CSGALNACT1: variants seen among roughly 807,000 people sequenced by gnomAD.
The protein encoded by CSGALNACT1 is beta4GalNAcT-1.
Under a neutral mutation model 51.0 loss-of-function variants are expected in CSGALNACT1, and 52 were observed. That is an observed-to-expected ratio of 1.02 (90% CI 0.82 to 1.29). CSGALNACT1 has a LOEUF of 1.29. CSGALNACT1 is among the 50% of genes most tolerant of loss of function. CSGALNACT1 has a pLI of 0.00. For synonymous variants in CSGALNACT1, 341 were observed against 254.4 expected, an observed-to-expected ratio of 1.34 and a Z score of -3.24; for missense variants, 935 against 679.2, an observed-to-expected ratio of 1.38 and a Z score of -4.19.
At chr8:19,580,525 T>G (rs568140636) in intron 3 of CSGALNACT1, among the ~76,000 whole-genome samples, 1 of 152,310 alleles carries the variant, frequency 6.6e-6, no homozygotes, top group Non-Finnish European at 1.5e-5. Flanking sequence ...GTTGATTTAA[T>G]CTAGATGAAT....
intron 6 of CSGALNACT1, among the ~76,000 whole-genome samples, chr8:19,423,727 G>T (rs1164417184): frequency 6.6e-6 from 1 of 152,130 alleles, no homozygotes; most frequent in Non-Finnish European, 1.5e-5. Flanking sequence ...TCAGGCAAAT[G>T]GATGCTGGGG....
intron 4 of CSGALNACT1, among the ~76,000 whole-genome samples, chr8:19,500,197 A>C (rs2076173467): frequency 6.6e-6 from 1 of 152,126 alleles, no homozygotes; most frequent in Non-Finnish European, 1.5e-5. Flanking sequence ...GTGGGGTGAC[A>C]GTAGTCAGAA....
chr8:19,684,576 A>C (rs554643395), upstream of CSGALNACT1, among the ~76,000 whole-genome samples: 116 of 150,978 alleles, frequency 7.7e-4, no homozygotes, highest in African/African-American at 2.2e-3. Flanking sequence ...TCCCCTCCTC[A>C]CTCCCCTGGG....
chr8:19,600,244 G>C (rs889943361), intron 2 of CSGALNACT1, among the ~76,000 whole-genome samples: 4 of 152,098 alleles, frequency 2.6e-5, no homozygotes, highest in Non-Finnish European at 4.4e-5. Flanking sequence ...ACCATGCCTG[G>C]CTAATTTTTA....
intron 6 of CSGALNACT1, among the ~76,000 whole-genome samples, chr8:19,421,900 G>C (rs1394893226): frequency 6.6e-6 from 1 of 152,120 alleles, no homozygotes; most frequent in African/African-American, 2.4e-5. Context: ...ATGATGGGTA[G>C]AGCACTGGTC....
intron 4 of CSGALNACT1, among the ~76,000 whole-genome samples, chr8:19,460,401 T>C (rs1255011358): frequency 6.6e-6 from 1 of 152,260 alleles, no homozygotes; most frequent in Non-Finnish European, 1.5e-5. Context: ...ATCCCAGGTA[T>C]GTATGTATGG....
At chr8:19,666,787 GAAAGAAAGAAAGAAAGAAAGAA>G (rs1237283157) in intron 1 of CSGALNACT1, among the ~76,000 whole-genome samples, 3,045 of 20,692 alleles carry the variant, frequency 0.15, 356 homozygotes, top group African/African-American at 0.38. Context: ...AAGAAAGAAA[GAAAGAAAGAAAGAAAGAAAGAA>G]AGAGAGAGAG....
intron 3 of CSGALNACT1, among the ~76,000 whole-genome samples, chr8:19,568,098 G>C (rs2042260078): frequency 6.6e-6 from 1 of 152,148 alleles, no homozygotes; most frequent in African/African-American, 2.4e-5. Context: ...TTGCAATGTA[G>C]AGATATCTTG....
intron 1 of CSGALNACT1, among the ~76,000 whole-genome samples, chr8:19,640,663 A>C (rs993582901): frequency 2.0e-5 from 3 of 152,196 alleles, no homozygotes; most frequent in African/African-American, 7.2e-5. Flanking sequence ...GGCACACTTG[A>C]ATCTAATCTG....
intron 1 of CSGALNACT1, among the ~76,000 whole-genome samples, chr8:19,630,517 T>C (rs894598351): frequency 6.6e-6 from 1 of 151,852 alleles, no homozygotes; most frequent in African/African-American, 2.4e-5. Context: ...TAGGATTCAC[T>C]CTTTGTGGTA....
intron 1 of CSGALNACT1, among the ~76,000 whole-genome samples, chr8:19,627,070 T>C (rs1305345527): frequency 6.6e-6 from 1 of 152,234 alleles, no homozygotes; most frequent in Non-Finnish European, 1.5e-5. Flanking sequence ...CCTCAAGAAA[T>C]GAAAACATTC....
chr8:19,482,768 A>C (rs2071789733), intron 4 of CSGALNACT1, among the ~76,000 whole-genome samples: 1 of 152,088 alleles, frequency 6.6e-6, no homozygotes, highest in Non-Finnish European at 1.5e-5. Flanking sequence ...TTAAATTTGC[A>C]TCAATAAGTC....
At chr8:19,523,537 T>A (rs1173771199) in intron 3 of CSGALNACT1, among the ~76,000 whole-genome samples, 2 of 152,028 alleles carry the variant, frequency 1.3e-5, no homozygotes, top group Admixed American at 6.5e-5. Context: ...CCCAAAGTGG[T>A]GAGATTACAG....
chr8:19,748,702 C>T (rs1417069783), intron 1 of CSGALNACT1, among the ~76,000 whole-genome samples: 4 of 152,194 alleles, frequency 2.6e-5, no homozygotes, highest in Admixed American at 2.0e-4. Flanking sequence ...CAGTGGCTCA[C>T]ATCTGTAAAC....
rs1159242984 is a variant in CSGALNACT1, at chr8:19,662,074, ACCC to A, written c.-544+20396_-544+20398del. Reference sequence around the variant, plus strand: ...ATTACAGTTGCCCCCACCCCCCCCCACCCCCCCCCCCCCCCGCATCTTCAGCAG... The same window carrying A: ...ATTACAGTTGCCCCCACCCCCCCCCACCCCCCCCCCCCGCATCTTCAGCAG... On this transcript the variant is annotated intron_variant, in intron 1 of 9. Coordinates refer to the CSGALNACT1 transcript ENST00000332246. Among the ~76,000 whole-genome samples the A allele has an allele frequency of 2.4e-3, 84 of 35,024 alleles. 1 individual carries two copies. The highest frequency in any genetic ancestry group is 7.6e-3 in the African/African-American group (72 of 9,498). The allele number at this position is 35,024 out of a possible 152,430, so 23.0% of individuals were successfully genotyped here.
intron 1 of CSGALNACT1, among the ~76,000 whole-genome samples, chr8:19,691,320 G>C (rs1423460036): frequency 6.6e-6 from 1 of 152,066 alleles, no homozygotes; most frequent in South Asian, 2.1e-4. Context: ...GCTGAGCAGG[G>C]CTTCTAGATC....
intron 5 of CSGALNACT1, among the ~76,000 whole-genome samples, chr8:19,455,794 T>A (rs1367804356): frequency 1.3e-5 from 2 of 152,254 alleles, no homozygotes; most frequent in African/African-American, 4.8e-5. Flanking sequence ...TGTCTGTATC[T>A]CTGCCACAGC....
chr8:19,733,960 C>G (rs762222031), intron 1 of CSGALNACT1, among the ~76,000 whole-genome samples: 15 of 152,166 alleles, frequency 9.9e-5, no homozygotes, highest in Non-Finnish European at 2.2e-4. Flanking sequence ...CCAGAATGCA[C>G]TCTAAGAAGT....
intron 3 of CSGALNACT1, among the ~76,000 whole-genome samples, chr8:19,547,268 C>G (rs1297986344): frequency 1.3e-5 from 2 of 152,188 alleles, no homozygotes; most frequent in Non-Finnish European, 2.9e-5. Context: ...AGTAAAAGCT[C>G]TAACTGGTCA....
Sources: gnomAD v4.1 joint callset for allele counts (sites outside exome capture counted in the v4.1 genomes callset) on GRCh38, gnomAD v4.1.1 for gene constraint, MANE v1.5 for transcripts, NCBI Gene and HGNC (gene_info 2026-07-23, HGNC 2026-07-21) for gene names.